Variants in IL21R observed in about 807,000 individuals in gnomAD.
The protein encoded by IL21R is interleukin 21 receptor.
A neutral mutation model predicts 41.3 loss-of-function variants in IL21R; 14 were observed. That is an observed-to-expected ratio of 0.34 (90% CI 0.22 to 0.53). The LOEUF is 0.53. Among genes scored for constraint, IL21R ranks in the 20% least tolerant of loss-of-function variants. The probability of loss-of-function intolerance (pLI) is 0.94; values close to 1 mark genes in which losing one functional copy is unlikely to be tolerated. For missense variants in IL21R, 588 were observed against 681.6 expected (o/e 0.86, Z 1.53); for synonymous variants, 286 against 287.6 (o/e 0.99, Z 0.05).
intron 1 of IL21R, among the ~76,000 whole-genome samples, chr16:27,418,178 T>G (rs1201105378): frequency 1.3e-5 from 2 of 151,290 alleles, no homozygotes; most frequent in East Asian, 3.9e-4. Context: ...CACGCCATTC[T>G]CCTGCCTCAG....
chr16:27,448,687 G>A lies in IL21R; in HGVS notation c.1021G>A (p.Val341Met), dbSNP rs1017631687. Residue 341 changes from valine (V) to methionine (M), a missense_variant, in exon 9 of 9, where the codon GTG (valine) becomes ATG (methionine). Val to Met is a conservative substitution (Grantham distance 21). Coordinates refer to ENST00000337929, the MANE Select transcript of IL21R (RefSeq NM_181078.3). ...LTELQEPAEL[V>M]ESDGVPKPSF... ...GGAGCTACAAGAACCAGCAGAGCTG[G>A]TGGAGTCTGACGGTGTGCCCAAGCC... The A allele has an allele frequency of 2.6e-5, 42 of 1,613,142 alleles. No homozygotes were observed. Among genetic ancestry groups the A allele is most frequent in the Non-Finnish European group, 3.5e-5 (41 of 1,180,026 alleles).
intron 1 of IL21R, among the ~76,000 whole-genome samples, chr16:27,404,757 G>A (rs536378121): frequency 6.6e-6 from 1 of 152,314 alleles, no homozygotes; most frequent in East Asian, 1.9e-4. Context: ...CAAGTCCACC[G>A]CTTAGTACCT....
At chr16:27,442,482 G>C (rs2087406514) in intron 4 of IL21R, among the ~76,000 whole-genome samples, 1 of 152,148 alleles carries the variant, frequency 6.6e-6, no homozygotes, top group Non-Finnish European at 1.5e-5. Context: ...TCCTGCCTCA[G>C]CCTCCCGAGT....
Position 27,443,033 on chromosome 16 carries a change from T to A in IL21R, c.424T>A (p.Tyr142Asn). The change falls in exon 5 of 9, where the codon TAC (tyrosine) becomes AAC (asparagine). Residue 142 changes from tyrosine to asparagine, a missense_variant. Coordinates refer to ENST00000337929, the MANE Select transcript of IL21R (RefSeq NM_181078.3). ...GTATAATATCTCCTGGCGCTCAGATTACGAAGACCCTGCCTTCTACATGCT... is the reference window on the plus strand; with the variant it reads ...GTATAATATCTCCTGGCGCTCAGATAACGAAGACCCTGCCTTCTACATGCT... The part of the protein sequence containing the change: ...GQYNISWRSD[Y>N]EDPAFYMLKG... The A allele has an allele frequency of 6.2e-7, 1 of 1,614,030 alleles. No homozygotes were observed. Among genetic ancestry groups the A allele is most frequent in the Non-Finnish European group, 8.5e-7 (1 of 1,179,952 alleles).
At chr16:27,442,738 C>G (rs2087411647) in intron 4 of IL21R, 2 of 404,944 alleles carry the variant, frequency 4.9e-6, no homozygotes. Flanking sequence ...AGTTTGCAAT[C>G]CTGATCAGGT....
intron 4 of IL21R, among the ~76,000 whole-genome samples, chr16:27,439,387 C>T (rs565657925): frequency 6.6e-6 from 1 of 151,564 alleles, no homozygotes; most frequent in East Asian, 1.9e-4. Flanking sequence ...CACACACGTA[C>T]ACAATACACA....
Position 27,446,101 on chromosome 16 carries a change from CCCTGTGATGAGCT to C in IL21R, c.867+17_867+29del. The C allele has an allele frequency of 1.9e-6, 3 of 1,610,482 alleles. No individual in the cohort carries two copies. Among genetic ancestry groups the C allele is most frequent in the Non-Finnish European group, 1.7e-6 (2 of 1,177,370 alleles). On this transcript the variant is annotated intron_variant, in intron 8 of 8. Coordinates refer to ENST00000337929, the MANE Select transcript of IL21R (RefSeq NM_181078.3). ...CGGAGACTTCAAGGTGAGCTCCCGA[CCCTGTGATGAGCT>C]CCTCGGAGCCCCTCCTCCTCTTCAG...
At chr16:27,447,238 T>C (rs1220141017) in intron 8 of IL21R, among the ~76,000 whole-genome samples, 1 of 152,152 alleles carries the variant, frequency 6.6e-6, no homozygotes, top group Non-Finnish European at 1.5e-5. Flanking sequence ...ACTTGCTATA[T>C]ACCAGGCAGT....
intron 1 of IL21R, among the ~76,000 whole-genome samples, chr16:27,403,676 G>A (rs1165018476): frequency 6.6e-6 from 1 of 152,222 alleles, no homozygotes; most frequent in Non-Finnish European, 1.5e-5. Flanking sequence ...TGAAAGCTGT[G>A]CTCCTAATGG....
chr16:27,426,383 ATAG>A (rs375130627), intron 1 of IL21R, among the ~76,000 whole-genome samples: 10 of 152,400 alleles, frequency 6.6e-5, no homozygotes, highest in African/African-American at 2.4e-4. Context: ...TGGATAATTA[ATAG>A]TAGCACCAGT....
intron 1 of IL21R, among the ~76,000 whole-genome samples, chr16:27,418,757 TAA>T (rs1383087329): frequency 6.6e-6 from 1 of 152,174 alleles, no homozygotes; most frequent in African/African-American, 2.4e-5. Flanking sequence ...TAATAACACT[TAA>T]GTGTTTTCGT....
At position 27,449,762 on chromosome 16, in the gene IL21R, G is replaced by A. The variant is rs907317059; in HGVS notation, c.*479G>A. The A allele has an allele frequency of 5.8e-5, 14 of 241,416 alleles. No individual in the cohort carries two copies. Among genetic ancestry groups the A allele is most frequent in the African/African-American group, 2.9e-4 (13 of 45,478 alleles). 15.0% of individuals were successfully genotyped at this position (241,416 alleles called of 1,614,324 possible). A position where few individuals can be genotyped will look rare whatever the true frequency, so the allele number is the denominator to read the frequency against. On this transcript the variant is annotated 3_prime_UTR_variant, in exon 9 of 9. Coordinates refer to ENST00000337929, the MANE Select transcript of IL21R (RefSeq NM_181078.3). The stretch of plus-strand genomic sequence containing the variant: ...CTGAGGCGGAGCCCAGCCCTCCAGC[G>A]TCTGCCTCCAGGAGCTGCAAGAAGT...
chr16:27,421,554 TTAAC>T (rs2087002086), intron 1 of IL21R, among the ~76,000 whole-genome samples: 1 of 152,256 alleles, frequency 6.6e-6, no homozygotes, highest in South Asian at 2.1e-4. Context: ...TCATCTCATA[TTAAC>T]ATAACTAATG....
chr16:27,434,239 T>C (rs1205669101), intron 2 of IL21R, 108 bp from the exon 3 acceptor site: 2 of 716,512 alleles, frequency 2.8e-6, no homozygotes, highest in East Asian at 5.2e-5. Flanking sequence ...TGTCCCGGCC[T>C]GGGGACCCCT....
chr16:27,435,678 T>A (rs1012386728), intron 3 of IL21R, among the ~76,000 whole-genome samples: 13 of 152,108 alleles, frequency 8.5e-5, no homozygotes, highest in Non-Finnish European at 1.6e-4. Context: ...GGATTCAAAC[T>A]CCTGGGCTCA....
chr16:27,423,399 A>T (rs1233368029), intron 1 of IL21R, among the ~76,000 whole-genome samples: 2 of 152,208 alleles, frequency 1.3e-5, no homozygotes, highest in Non-Finnish European at 2.9e-5. Flanking sequence ...AAAAGGGCAT[A>T]AAATATAATC....
chr16:27,418,255 G>C (rs906466543), intron 1 of IL21R, among the ~76,000 whole-genome samples: 1 of 151,458 alleles, frequency 6.6e-6, no homozygotes, highest in Non-Finnish European at 1.5e-5. Flanking sequence ...ATTTTTAGTA[G>C]AGATGGGGTT....
At chr16:27,432,073 CA>C (rs1343778284) in intron 2 of IL21R, among the ~76,000 whole-genome samples, 9 of 152,356 alleles carry the variant, frequency 5.9e-5, no homozygotes, top group Admixed American at 1.3e-4. Context: ...ATAATTCATT[CA>C]GGGGGGCTCT....
At chr16:27,439,576 CAT>C (rs1264415678) in intron 4 of IL21R, among the ~76,000 whole-genome samples, 20 of 151,824 alleles carry the variant, frequency 1.3e-4, no homozygotes, top group Admixed American at 7.2e-4. Context: ...CACGGGCACA[CAT>C]ATGCACACAC....
Sources: gnomAD v4.1 joint callset for allele counts (sites outside exome capture counted in the v4.1 genomes callset) on GRCh38, gnomAD v4.1.1 for gene constraint, MANE v1.5 for transcripts, NCBI Gene and HGNC (gene_info 2026-07-23, HGNC 2026-07-21) for gene names.